Variants in ZNF454 observed in about 807,000 individuals in gnomAD.
ZNF454 encodes the protein zinc finger protein 454.
Under a neutral mutation model 48.2 loss-of-function variants are expected in ZNF454, and 30 were observed. That is an observed-to-expected ratio of 0.62 (90% CI 0.47 to 0.84). ZNF454 has a LOEUF of 0.84. Ranked by LOEUF, ZNF454 falls within the 40% of genes least tolerant of loss-of-function variation. The pLI is 0.00. For missense variants in ZNF454, 510 were observed against 623.1 expected, an observed-to-expected ratio of 0.82 and a Z score of 1.93; for synonymous variants, 204 against 211.4, an observed-to-expected ratio of 0.97 and a Z score of 0.30.
chr5:178,945,467 C>A (rs796848217), intron 2 of ZNF454, among the ~76,000 whole-genome samples: 1 of 122,528 alleles, frequency 8.2e-6, no homozygotes, highest in Non-Finnish European at 1.7e-5. Context: ...GGGGGTGTGT[C>A]GTGTGTGTGT....
the ZNF454 span, among the ~76,000 whole-genome samples, chr5:178,985,470 G>C: frequency 9.9e-5 from 15 of 151,542 alleles, no homozygotes; most frequent in South Asian, 6.2e-4. Flanking sequence ...TTGGGAGGCC[G>C]AGGTGGGCGG....
intron 4 of ZNF454, among the ~76,000 whole-genome samples, chr5:178,961,961 T>C (rs1009215942): frequency 6.6e-6 from 1 of 151,828 alleles, no homozygotes. Flanking sequence ...TATCCATATA[T>C]TTAACTTTTC....
chr5:178,959,910 TTTTCTTTTCTTTTCTTTTTTTC>T (rs1375598329), intron 4 of ZNF454, among the ~76,000 whole-genome samples: 5 of 149,940 alleles, frequency 3.3e-5, no homozygotes, highest in Non-Finnish European at 4.4e-5. Flanking sequence ...CGGCCCCTTT[TTTTCTTTTCTTTTCTTTTTTTC>T]TTTCTTTTCT....
chr5:178,984,635 C>T, the ZNF454 span, among the ~76,000 whole-genome samples: 6 of 152,042 alleles, frequency 3.9e-5, no homozygotes, highest in East Asian at 3.9e-4. Context: ...CACCTCAGGC[C>T]GGGACGTAGA....
intron 4 of ZNF454, among the ~76,000 whole-genome samples, chr5:178,947,189 A>G (rs1285698175): frequency 1.3e-5 from 2 of 152,174 alleles, no homozygotes; most frequent in South Asian, 2.1e-4. Flanking sequence ...CCTCCCCGCA[A>G]TGATTTTTCT....
the ZNF454 span, among the ~76,000 whole-genome samples, chr5:178,982,103 G>A: frequency 7.9e-5 from 12 of 152,300 alleles, no homozygotes; most frequent in East Asian, 1.9e-4. Context: ...CTGGGGAAGC[G>A]GGAGCCGGGG....
the ZNF454 span, among the ~76,000 whole-genome samples, chr5:178,971,781 G>A: frequency 0.014 from 2,114 of 151,244 alleles, 21 homozygotes; most frequent in Middle Eastern, 0.037. Context: ...GTGTGAACCC[G>A]GGAGGTGGAG....
intron 4 of ZNF454, among the ~76,000 whole-genome samples, chr5:178,952,661 T>A (rs1259748756): frequency 6.6e-6 from 1 of 152,204 alleles, no homozygotes; most frequent in Non-Finnish European, 1.5e-5. Context: ...AGGGAAGGAC[T>A]TTGTCTTGTT....
chr5:178,945,210 GTGTT>G (rs1370418096), intron 2 of ZNF454, among the ~76,000 whole-genome samples: 11 of 151,562 alleles, frequency 7.3e-5, no homozygotes, highest in Non-Finnish European at 1.0e-4. Flanking sequence ...ATGTGTCTGT[GTGTT>G]TGTGTGTGTG....
chr5:178,950,430 G>A (rs190286434), intron 4 of ZNF454, among the ~76,000 whole-genome samples: 265 of 152,304 alleles, frequency 1.7e-3, no homozygotes, highest in Non-Finnish European at 3.1e-3. Flanking sequence ...TTGGACTGAT[G>A]TAATGCTGCT....
chr5:178,966,454 GA>G (rs1760160324), downstream of ZNF454: 1 of 132,262 alleles, frequency 7.6e-6, no homozygotes, highest in East Asian at 2.3e-4. Flanking sequence ...AAAAAAAAAA[GA>G]ATGGCAAACA....
Position 178,966,092 on chromosome 5 carries a change from T to C in ZNF454, c.*119T>C. ...GCATCAAGATAGTCACTTTATTTAC[T>C]GAGGGTCAGGTTTCACAGTGTCATG... On this transcript the variant is annotated 3_prime_UTR_variant, in exon 5 of 5. Coordinates refer to ENST00000519564, the MANE Select transcript of ZNF454 (RefSeq NM_001178089.3). 1.0e-6 allele frequency: 1 copy of C among 959,444 alleles called. No homozygotes were observed. Among genetic ancestry groups the C allele is most frequent in the Non-Finnish European group, 1.5e-6 (1 of 649,544 alleles). The allele number at this position is 959,444 out of a possible 1,614,324, so 59.4% of individuals were successfully genotyped here. A position where few individuals can be genotyped will look rare whatever the true frequency, so the allele number is the denominator to read the frequency against.
At chr5:178,973,789 G>A in the ZNF454 span, among the ~76,000 whole-genome samples, 1 of 147,776 alleles carries the variant, frequency 6.8e-6, no homozygotes, top group East Asian at 2.0e-4. Flanking sequence ...CTTGCAGTGA[G>A]CCGAGATCGC....
At chr5:178,973,570 G>A in the ZNF454 span, among the ~76,000 whole-genome samples, 8 of 152,262 alleles carry the variant, frequency 5.3e-5, no homozygotes, top group Admixed American at 2.6e-4. Context: ...TGGGCCGGGC[G>A]CAGTGGCTCA....
At chr5:178,986,214 C>G in the ZNF454 span, 1 of 1,614,156 alleles carries the variant, frequency 6.2e-7, no homozygotes, top group Non-Finnish European at 8.5e-7. Flanking sequence ...GCTTGCCCTG[C>G]TCAAAGATGC....
chr5:178,961,443 A>T (rs1177931105), intron 4 of ZNF454, among the ~76,000 whole-genome samples: 1 of 151,642 alleles, frequency 6.6e-6, no homozygotes, highest in African/African-American at 2.4e-5. Context: ...ATTGTTAATA[A>T]ATAAAACCAG....
Position 178,942,978 on chromosome 5 carries a change from C to T in ZNF454, c.33+154C>T, listed in dbSNP as rs1437764252. 1.3e-5 allele frequency among the ~76,000 whole-genome samples: 2 copies of T among 152,162 alleles called. 1 individual carries two copies. The highest frequency in any genetic ancestry group is 4.8e-5 in the African/African-American group (2 of 41,446). On this transcript the variant is annotated intron_variant, in intron 2 of 4. Transcript: ENST00000519564. ...CAACCAACACCCTCCAACCCCGCCC[C>T]ATATCCGGCTCATCCTGGTGGGTGT...
chr5:178,973,160 C>T, the ZNF454 span, among the ~76,000 whole-genome samples: 1 of 151,328 alleles, frequency 6.6e-6, no homozygotes, highest in African/African-American at 2.4e-5. Context: ...CCCCACACCT[C>T]CCCTTCCCTC....
At position 178,944,084 on chromosome 5, in the gene ZNF454, G is replaced by A. The variant is rs1759221354; in HGVS notation, c.33+1260G>A. ...GCTTTGAAGGAGACAGCATTCATTT[G>A]GGCATATACATTCTGATACATTTGG... On this transcript the variant is annotated intron_variant, in intron 2 of 4. Coordinates refer to ENST00000519564, the MANE Select transcript of ZNF454 (RefSeq NM_001178089.3). This position sits in a 1 kb window ranked among gnomAD's most constrained non-coding sequence, Gnocchi z 4.1. 6.6e-6 allele frequency among the ~76,000 whole-genome samples: 1 copy of A among 152,146 alleles called. No individual in the cohort carries two copies. Among genetic ancestry groups the A allele is most frequent in the African/African-American group, 2.4e-5 (1 of 41,438 alleles).
Sources: allele counts gnomAD v4.1 joint callset (sites outside exome capture counted in the v4.1 genomes callset), GRCh38; gene constraint gnomAD v4.1.1; non-coding constraint Gnocchi (gnomAD v3.1); transcripts MANE v1.5; gene names NCBI Gene and HGNC (gene_info 2026-07-23, HGNC 2026-07-21).